The following ADRA1B variants were observed in gnomAD, a reference collection of about 807,000 sequenced individuals.
The protein encoded by ADRA1B is adrenoceptor alpha 1B.
A neutral mutation model predicts 17.9 loss-of-function variants in ADRA1B; 17 were observed. The observed-to-expected ratio is 0.95, with a 90% CI of 0.65 to 1.42. The LOEUF is 1.42. Ranked by LOEUF, ADRA1B falls within the 40% of genes most tolerant of loss-of-function variation. ADRA1B has a pLI of 0.00. For synonymous variants in ADRA1B, 366 were observed against 327.6 expected, an observed-to-expected ratio of 1.12 and a Z score of -1.27; for missense variants, 681 against 722.1, an observed-to-expected ratio of 0.94 and a Z score of 0.65.
chr5:159,918,178 G>A (rs1016248207), intron 1 of ADRA1B, among the ~76,000 whole-genome samples: 3 of 152,148 alleles, frequency 2.0e-5, no homozygotes, highest in South Asian at 2.1e-4. Context: ...TCACACCGGC[G>A]TTATTTCAGT....
At chr5:159,906,395 C>A (rs570674777) in intron 1 of ADRA1B, among the ~76,000 whole-genome samples, 1 of 152,186 alleles carries the variant, frequency 6.6e-6, no homozygotes, top group South Asian at 2.1e-4. Flanking sequence ...TACAGATGAC[C>A]TCCATTGGAT....
intron 1 of ADRA1B, among the ~76,000 whole-genome samples, chr5:159,922,596 A>G (rs1298594100): frequency 6.6e-6 from 1 of 152,140 alleles, no homozygotes; most frequent in Non-Finnish European, 1.5e-5. Context: ...CAGGTCATCC[A>G]TGTTCTAGCT....
intron 1 of ADRA1B, among the ~76,000 whole-genome samples, chr5:159,951,702 G>A (rs969307243): frequency 1.1e-4 from 16 of 152,168 alleles, no homozygotes; most frequent in Admixed American, 7.2e-4. Context: ...AGCCACCTTT[G>A]GGGTCTCACT....
chr5:159,951,452 T>G (rs1431806786), intron 1 of ADRA1B: 16 of 738,864 alleles, frequency 2.2e-5, no homozygotes, highest in South Asian at 1.9e-4. Context: ...GGTGAGCAGG[T>G]GCCCAATACA....
At chr5:159,894,860 C>T (rs894741412) in intron 1 of ADRA1B, among the ~76,000 whole-genome samples, 11 of 152,126 alleles carry the variant, frequency 7.2e-5, no homozygotes, top group African/African-American at 2.7e-4. Context: ...CATTAAGAAC[C>T]TCATTCCAAG....
At chr5:159,908,318 G>T (rs1216226971) in intron 1 of ADRA1B, among the ~76,000 whole-genome samples, 3 of 152,136 alleles carry the variant, frequency 2.0e-5, no homozygotes, top group African/African-American at 7.2e-5. Flanking sequence ...TATCAACCAC[G>T]CTATGGTTTG....
intron 1 of ADRA1B, among the ~76,000 whole-genome samples, chr5:159,931,390 T>C (rs1262691812): frequency 7.4e-6 from 1 of 135,840 alleles, no homozygotes; most frequent in African/African-American, 2.8e-5. Flanking sequence ...TAAGACCCTA[T>C]CTCAAAAAAA....
At chr5:159,867,751 C>T (rs1753676975) in intron 1 of ADRA1B, 1 of 152,186 alleles carries the variant, frequency 6.6e-6, no homozygotes, top group Non-Finnish European at 1.5e-5. Context: ...CCTTTGACCA[C>T]ATGATGACAG....
intron 1 of ADRA1B, chr5:159,888,344 G>A (rs553549096): frequency 2.0e-5 from 3 of 152,220 alleles, no homozygotes; most frequent in South Asian, 4.2e-4. Context: ...AAGAACTAAT[G>A]CCTGAACAAA....
At chr5:159,878,777 G>T (rs192292311) in intron 1 of ADRA1B, among the ~76,000 whole-genome samples, 27 of 152,264 alleles carry the variant, frequency 1.8e-4, no homozygotes, top group Admixed American at 1.7e-3. Context: ...CATGTATCAT[G>T]TATCACACTC....
chr5:159,974,745 A>G (rs1256113149), downstream of ADRA1B, among the ~76,000 whole-genome samples: 1 of 152,156 alleles, frequency 6.6e-6, no homozygotes, highest in African/African-American at 2.4e-5. Flanking sequence ...ACCAAGGAAA[A>G]TTACATTTTC....
chr5:159,950,352 C>T, intron 1 of ADRA1B: 1 of 564,136 alleles, frequency 1.8e-6, no homozygotes, highest in Non-Finnish European at 3.2e-6. Flanking sequence ...TAGGCCCCTC[C>T]CTCTTCAGGG....
At chr5:159,948,022 A>G in intron 1 of ADRA1B, 1 of 985,458 alleles carries the variant, frequency 1.0e-6, no homozygotes, top group Non-Finnish European at 1.2e-6. Flanking sequence ...CTAATTAGTA[A>G]GCATGGCCAC....
intron 1 of ADRA1B, among the ~76,000 whole-genome samples, chr5:159,873,886 C>T (rs944078699): frequency 6.6e-6 from 1 of 152,164 alleles, no homozygotes; most frequent in Non-Finnish European, 1.5e-5. Flanking sequence ...TTCATTCCCC[C>T]AGAATGAATC....
chr5:159,929,218 A>G (rs1052544744), intron 1 of ADRA1B: 25 of 152,260 alleles, frequency 1.6e-4, no homozygotes, highest in African/African-American at 6.0e-4. Context: ...GTCCTTTAAC[A>G]TATTAAATAA....
intron 1 of ADRA1B, among the ~76,000 whole-genome samples, chr5:159,910,067 T>C (rs1269939432): frequency 1.3e-5 from 2 of 152,168 alleles, no homozygotes; most frequent in African/African-American, 2.4e-5. Flanking sequence ...TACATACATA[T>C]ACGCACACAC....
At chr5:159,971,855 T>TGGGGGGGGGGGGGGGG in intron 1 of ADRA1B, 24 bp from the exon 2 acceptor site, 1 of 435,066 alleles carries the variant, frequency 2.3e-6, no homozygotes, top group Non-Finnish European at 3.6e-6. Context: ...TTTCTGCCCG[T>TGGGGGGGGGGGGGGGG]GCCCACCCCC....
At chr5:159,967,451 T>C (rs1462159321) in intron 1 of ADRA1B, among the ~76,000 whole-genome samples, 2 of 152,056 alleles carry the variant, frequency 1.3e-5, no homozygotes, top group African/African-American at 2.4e-5. Flanking sequence ...ATTTAGAAAA[T>C]GGTCACTATT....
intron 1 of ADRA1B, among the ~76,000 whole-genome samples, chr5:159,931,374 A>C (rs1754798842): frequency 6.6e-6 from 1 of 150,566 alleles, no homozygotes; most frequent in African/African-American, 2.5e-5. Flanking sequence ...AGCCTGGGCA[A>C]CAGAGTAAGA....
Sources: allele counts gnomAD v4.1 joint callset (sites outside exome capture counted in the v4.1 genomes callset), GRCh38; gene constraint gnomAD v4.1.1; transcripts MANE v1.5; gene names NCBI Gene and HGNC (gene_info 2026-07-23, HGNC 2026-07-21).